BEND6: variants seen among roughly 807,000 people sequenced by gnomAD.
BEND6 encodes the protein BEN domain-containing protein 6.
Under a neutral mutation model 31.8 loss-of-function variants are expected in BEND6, and 24 were observed. The ratio of observed to expected loss-of-function variants is 0.75; its 90% CI spans 0.55 to 1.06. The LOEUF (loss-of-function observed/expected upper bound fraction) is 1.06. BEND6 is among the 50% of genes least tolerant of loss of function. BEND6 has a pLI of 0.00. For missense variants in BEND6, 294 were observed against 327.4 expected (o/e 0.90, Z 0.79); for synonymous variants, 109 against 114.6 (o/e 0.95, Z 0.31).
intron 6 of BEND6, among the ~76,000 whole-genome samples, chr6:57,023,311 G>T (rs923790170): frequency 6.6e-6 from 1 of 152,138 alleles, no homozygotes; most frequent in Non-Finnish European, 1.5e-5. Context: ...CTCTTGTGTT[G>T]TGTGCATAGA....
chr6:57,004,833 C>A (rs1242358469), intron 3 of BEND6: 1 of 710,088 alleles, frequency 1.4e-6, no homozygotes, highest in Non-Finnish European at 2.5e-6. Flanking sequence ...GGACTTGAGA[C>A]CAGCCTGGGC....
intron 3 of BEND6, chr6:57,011,079 T>C (rs1008802190): frequency 5.0e-5 from 8 of 159,374 alleles, no homozygotes; most frequent in African/African-American, 1.9e-4. Context: ...CTCCAATAGA[T>C]AATTGATAGA....
intron 1 of BEND6, among the ~76,000 whole-genome samples, chr6:56,956,903 A>G (rs1387272891): frequency 1.3e-5 from 2 of 152,256 alleles, no homozygotes; most frequent in Non-Finnish European, 2.9e-5. Context: ...CAACAATGGC[A>G]TGGTGGAGTA....
At chr6:56,989,801 C>T (rs1402556847) in intron 2 of BEND6, among the ~76,000 whole-genome samples, 1 of 152,084 alleles carries the variant, frequency 6.6e-6, no homozygotes, top group East Asian at 1.9e-4. Context: ...GCTTCTTTTT[C>T]CTTACTGATT....
At chr6:56,995,138 C>G (rs1259343246) in intron 3 of BEND6, among the ~76,000 whole-genome samples, 1 of 151,904 alleles carries the variant, frequency 6.6e-6, no homozygotes, top group African/African-American at 2.4e-5. Flanking sequence ...TCCAGAGATT[C>G]TGCCCTGTCT....
rs540643966 is a variant in BEND6 at position 57,016,606 on chromosome 6, G to T, written c.520-601G>T. ...ATTCCTTGGTTCACAGCCCACTTCG[G>T]CCATCTTCAAAGCCAGCAACAGCAA... is the stretch of plus-strand genomic sequence containing the variant. On this transcript the variant is annotated intron_variant, in intron 4 of 6. Transcript: ENST00000370746. 6.6e-5 allele frequency among the ~76,000 whole-genome samples: 10 copies of T among 152,204 alleles called. No individual in the cohort carries two copies. The South Asian group carries it at 1.7e-3, about 25-fold the overall frequency.
At chr6:57,018,754 T>C (rs1213139435) in intron 6 of BEND6, among the ~76,000 whole-genome samples, 197 bp downstream of exon 6, 2 of 152,242 alleles carry the variant, frequency 1.3e-5, no homozygotes, top group Non-Finnish European at 2.9e-5. Flanking sequence ...TCAGTTTTTC[T>C]TCCTCAGAAC....
intron 1 of BEND6, among the ~76,000 whole-genome samples, chr6:56,971,145 CT>C (rs1825674298): frequency 6.6e-6 from 1 of 152,190 alleles, no homozygotes; most frequent in African/African-American, 2.4e-5. Context: ...CTCACTTCCC[CT>C]AGCCCCTGGC....
rs547149370 is a variant in BEND6, at chr6:57,004,701, G to A, written c.299-10432G>A. 370 of 1,519,978 alleles carry A rather than the reference G, an allele frequency of 2.4e-4. 3 individuals carry two copies. The East Asian group carries it at 8.3e-3, about 34-fold the overall frequency. The allele number at this position is 1,519,978 out of a possible 1,614,324, so 94.2% of individuals were successfully genotyped here. A position where few individuals can be genotyped will look rare whatever the true frequency, so the allele number is the denominator to read the frequency against. ...ATGTGAATCAGTCACTACTGGAACTGCACAAACTGGCCACTGACAAAAATG... is the reference window on the plus strand; with the variant it reads ...ATGTGAATCAGTCACTACTGGAACTACACAAACTGGCCACTGACAAAAATG... On this transcript the variant is annotated intron_variant, in intron 3 of 6. Transcript: ENST00000370746.
At chr6:56,958,045 C>T (rs1411026047) in intron 1 of BEND6, among the ~76,000 whole-genome samples, 1 of 152,138 alleles carries the variant, frequency 6.6e-6, no homozygotes, top group Non-Finnish European at 1.5e-5. Flanking sequence ...AATGACAGGC[C>T]TCCCCAGCAT....
At chr6:57,005,386 G>A (rs1827118868) in intron 3 of BEND6, among the ~76,000 whole-genome samples, 1 of 152,020 alleles carries the variant, frequency 6.6e-6, no homozygotes, top group Non-Finnish European at 1.5e-5. Flanking sequence ...TGAATAGAAA[G>A]ACTTGTGGGC....
chr6:56,997,085 CT>C (rs1233961715), intron 3 of BEND6, among the ~76,000 whole-genome samples: 12 of 152,312 alleles, frequency 7.9e-5, no homozygotes, highest in African/African-American at 2.9e-4. Flanking sequence ...CTCTTGCCTT[CT>C]TTTCTACTCT....
At chr6:57,011,715 C>CAAAAAAAAAAAAAAAAAAAAAAAAAA (rs770049459) in intron 3 of BEND6, among the ~76,000 whole-genome samples, 10 of 33,944 alleles carry the variant, frequency 2.9e-4, no homozygotes, top group Admixed American at 7.5e-4. Flanking sequence ...GGCCCTGTCT[C>CAAAAAAAAAAAAAAAAAAAAAAAAAA]AAAAAAAAAA....
intron 4 of BEND6, 97 bp downstream of exon 4, chr6:57,015,450 TTGGATA>T: frequency 8.8e-7 from 1 of 1,139,644 alleles, no homozygotes; most frequent in Non-Finnish European, 1.2e-6. Context: ...CAGATAACTA[TTGGATA>T]AAATAGTTTT....
At chr6:56,969,116 G>A (rs1357149395) in intron 1 of BEND6, among the ~76,000 whole-genome samples, 1 of 151,902 alleles carries the variant, frequency 6.6e-6, no homozygotes, top group Non-Finnish European at 1.5e-5. Context: ...AAAACAGACA[G>A]TAAGTTGAAA....
At chr6:56,964,693 G>C (rs753198123) in intron 1 of BEND6, among the ~76,000 whole-genome samples, 6 of 152,134 alleles carry the variant, frequency 3.9e-5, no homozygotes, top group Non-Finnish European at 7.3e-5. Context: ...AGTAGACGAA[G>C]TCTCATTATG....
intron 3 of BEND6, 60 bp from the exon 4 acceptor site, chr6:57,015,073 T>G: frequency 1.4e-6 from 2 of 1,416,012 alleles, no homozygotes; most frequent in South Asian, 2.6e-5. Flanking sequence ...CAAAAAAATA[T>G]GTACATATGC....
intron 1 of BEND6, among the ~76,000 whole-genome samples, 161 bp from the exon 2 acceptor site, chr6:56,981,550 A>T (rs1826068871): frequency 1.3e-5 from 2 of 152,236 alleles, no homozygotes; most frequent in Non-Finnish European, 2.9e-5. Context: ...TGCTGATGAA[A>T]TTAGAAGACT....
intron 1 of BEND6, chr6:56,976,025 T>A (rs1825860488): frequency 2.1e-6 from 1 of 481,000 alleles, no homozygotes; most frequent in Non-Finnish European, 4.2e-6. Flanking sequence ...TTCAGGGACA[T>A]TCAAGCACTA....
Sources: gnomAD v4.1 joint callset for allele counts (sites outside exome capture counted in the v4.1 genomes callset) on GRCh38, gnomAD v4.1.1 for gene constraint, MANE v1.5 for transcripts, NCBI Gene and HGNC (gene_info 2026-07-23, HGNC 2026-07-21) for gene names.